The following TNPO2 variants were observed in gnomAD, a reference collection of about 807,000 sequenced individuals.
TNPO2 encodes transportin-2.
TNPO2 carries 16 observed loss-of-function variants against 111.1 expected under a neutral mutation model. The ratio of observed to expected loss-of-function variants is 0.14; its 90% CI spans 0.10 to 0.22. TNPO2 has a LOEUF of 0.22. Ranked by LOEUF, TNPO2 falls within the 10% of genes least tolerant of loss-of-function variation. The pLI is 1.00. For missense variants in TNPO2, 530 were observed against 1,173.7 expected (o/e 0.45, Z 8.01); for synonymous variants, 481 against 475.8 (o/e 1.01, Z -0.14).
chr19:12,706,614 T>A lies in TNPO2; in HGVS notation c.1452A>T (p.Lys484Asn), dbSNP rs1026133577. 1 of 1,613,962 alleles carries A rather than the reference T, an allele frequency of 6.2e-7. No individual in the cohort carries two copies. Among genetic ancestry groups the A allele is most frequent in the Middle Eastern group, 1.6e-4 (1 of 6,062 alleles). The change falls in exon 14 of 26, where the codon AAA becomes AAT. Residue 484 changes from lysine to asparagine, a missense_variant. By Grantham distance (94) the Lys-to-Asn change is moderately conservative. Transcript: ENST00000425528. The surrounding 1 kb of genome is among the most constrained non-coding windows in gnomAD (Gnocchi z 7.0). ...HLKPLMTELL[K>N]RILDGNKRVQ... ...CCCTCTTGTTGCCATCCAGGATGCG[T>A]TTGAGCAGCTCTGTCATCAGGGGCT...
chr19:12,701,799 G>A lies in TNPO2; in HGVS notation c.2464C>T (p.Arg822Cys), dbSNP rs770750661. The stretch of plus-strand genomic sequence containing the variant: ...ACACCGATCATCATGCAGATGCCGC[G>A]GAAGGCTGAGTCCTTCTCCTCGTTG... ...RDNEEKDSAF[R>C]GICMMIGVNP... Residue 822 changes from arginine (R) to cysteine (C), a missense_variant, in exon 23 of 26, where the codon CGC becomes TGC. Around this residue, in one of 4 missense-constraint regions of TNPO2, gnomAD observed 103 missense variants for 156.7 expected, o/e 0.66. Transcript: ENST00000425528. This position sits in a 1 kb window ranked among gnomAD's most constrained non-coding sequence, Gnocchi z 5.0. 18 of 1,613,756 alleles carry A rather than the reference G, an allele frequency of 1.1e-5. No homozygotes were observed. Among genetic ancestry groups the A allele is most frequent in the East Asian group, 2.2e-5 (1 of 44,888 alleles).
chr19:12,700,932 T>C lies in TNPO2; in HGVS notation c.*332A>G, dbSNP rs1228641522. 1 of 189,276 alleles carries C rather than the reference T, an allele frequency of 5.3e-6. No individual in the cohort carries two copies. The highest frequency in any genetic ancestry group is 1.1e-5 in the Non-Finnish European group (1 of 90,544). The allele number at this position is 189,276 out of a possible 1,614,324, so 11.7% of individuals were successfully genotyped here. ...TCCCTCACCTCATCCGAAGCCGGAT[T>C]CGGTCAGCTGTGTAATTCCTCCCTC... On this transcript the variant is annotated 3_prime_UTR_variant, in exon 26 of 26. Transcript: ENST00000425528.
At chr19:12,712,942 C>A (rs1003126273) in intron 10 of TNPO2, among the ~76,000 whole-genome samples, 16 of 152,138 alleles carry the variant, frequency 1.1e-4, no homozygotes, top group African/African-American at 3.9e-4. Context: ...CTGGAGTGCA[C>A]TGGTGCGATC....
At chr19:12,720,627 T>C (rs2026630716) in intron 3 of TNPO2, among the ~76,000 whole-genome samples, 1 of 152,224 alleles carries the variant, frequency 6.6e-6, no homozygotes, top group Non-Finnish European at 1.5e-5. Flanking sequence ...GGCCAGGGCC[T>C]ACTTTAATAG....
chr19:12,701,580 G>A lies in TNPO2; in HGVS notation c.2586+18C>T, dbSNP rs747069268. 1 of 1,613,422 alleles carries A rather than the reference G, an allele frequency of 6.2e-7. No homozygotes were observed. Among genetic ancestry groups the A allele is most frequent in the South Asian group, 1.1e-5 (1 of 91,038 alleles). ...TGCCTGCTCCCGGAACTAGATCAGGGCCCAGACAGAGCCTCACCTTATAAA... is the reference window on the plus strand; with the variant it reads ...TGCCTGCTCCCGGAACTAGATCAGGACCCAGACAGAGCCTCACCTTATAAA... On this transcript the variant is annotated intron_variant, in intron 24 of 25. Transcript: ENST00000425528. The surrounding 1 kb of genome is among the most constrained non-coding windows in gnomAD (Gnocchi z 5.0).
At chr19:12,710,922 C>G in intron 12 of TNPO2, 149 bp from the exon 13 acceptor site, 1 of 941,800 alleles carries the variant, frequency 1.1e-6, no homozygotes, top group Non-Finnish European at 1.5e-6. Context: ...GAGACGGAGT[C>G]TCACTTTTTC....
chr19:12,710,696 G>T lies in TNPO2; in HGVS notation c.1195C>A (p.Leu399Ile). 6.2e-7 allele frequency: 1 copy of T among 1,613,636 alleles called. No individual in the cohort carries two copies. The highest frequency in any genetic ancestry group is 8.5e-7 in the Non-Finnish European group (1 of 1,179,754). The change falls in exon 13 of 26, where the codon CTC becomes ATC. Residue 399 changes from leucine to isoleucine, a missense_variant. This residue lies in a region of TNPO2 where 88 missense variants were observed against 130.2 expected (regional missense o/e 0.68). Coordinates refer to ENST00000425528, the MANE Select transcript of TNPO2 (RefSeq NM_001382241.1). The part of the protein sequence containing the change: ...EELLPHLLPL[L>I]KGLLFHPEWV... ...TCGGGGTGGAAGAGGAGGCCTTTGA[G>T]TAGTGGGAGTAGGTGGGGCAGCAGT...
At position 12,705,235 on chromosome 19, in the gene TNPO2, C is replaced by A. The variant is rs768684962; in HGVS notation, c.2022+5G>T. The A allele has an allele frequency of 6.2e-7, 1 of 1,600,598 alleles. No homozygotes were observed. Among genetic ancestry groups the A allele is most frequent in the African/African-American group, 1.3e-5 (1 of 74,678 alleles). On this transcript the variant is annotated splice_donor_5th_base_variant and intron_variant, in intron 18 of 25. Coordinates refer to ENST00000425528, the MANE Select transcript of TNPO2 (RefSeq NM_001382241.1). The surrounding 1 kb of genome is among the most constrained non-coding windows in gnomAD (Gnocchi z 7.2). ...GTGTCATCACTGTCCAGGGTCCCCA[C>A]CCACCTGCATGCACTGGAACAGCAA... is the stretch of plus-strand genomic sequence containing the variant.
rs747294643 is a variant in TNPO2 at position 12,719,344 on chromosome 19, G to A, written c.100-8C>T. ...ATTGAGTTGTTTGAGTTTCTGCCAG[G>A]CTGTTAAGGGACTTGGAAGACAGAG... On this transcript the variant is annotated splice_region_variant and splice_polypyrimidine_tract_variant and intron_variant, in intron 3 of 25. Coordinates refer to ENST00000425528, the MANE Select transcript of TNPO2 (RefSeq NM_001382241.1). This position sits in a 1 kb window ranked among gnomAD's most constrained non-coding sequence, Gnocchi z 5.0. The A allele has an allele frequency of 6.2e-7, 1 of 1,613,492 alleles. No individual in the cohort carries two copies. The highest frequency in any genetic ancestry group is 8.5e-7 in the Non-Finnish European group (1 of 1,179,564).
chr19:12,705,887 G>C lies in TNPO2; in HGVS notation c.1669-119C>G. The C allele has an allele frequency of 2.5e-6, 2 of 789,484 alleles. No individual in the cohort carries two copies. The highest frequency in any genetic ancestry group is 3.9e-6 in the Non-Finnish European group (2 of 508,888). 48.9% of individuals were successfully genotyped at this position (789,484 alleles called of 1,614,324 possible). On this transcript the variant is annotated intron_variant, in intron 15 of 25. Transcript: ENST00000425528. The surrounding 1 kb of genome is among the most constrained non-coding windows in gnomAD (Gnocchi z 7.2). ...CACCGTGGCTCATGGGACCCTGAAA[G>C]GCCTGCCATCTGGCCAGACCTCGAG...
Position 12,705,323 on chromosome 19 carries a change from C to T in TNPO2, c.1939G>A (p.Gly647Ser). 1.3e-6 allele frequency: 2 copies of T among 1,594,484 alleles called. No homozygotes were observed. Among genetic ancestry groups the T allele is most frequent in the Non-Finnish European group, 1.7e-6 (2 of 1,170,722 alleles). The change falls in exon 18 of 26, where the codon GGC (glycine) becomes AGC (serine). Residue 647 changes from glycine to serine, a missense_variant. By Grantham distance (56) the Gly-to-Ser change is moderately conservative. This residue lies in a region of TNPO2 where 183 missense variants were observed against 481.0 expected (regional missense o/e 0.38). Coordinates refer to ENST00000425528, the MANE Select transcript of TNPO2 (RefSeq NM_001382241.1). The surrounding 1 kb of genome is among the most constrained non-coding windows in gnomAD (Gnocchi z 7.2). ...TGACCACCCAGGCCCTCGGCCAGGC[C>T]GCTGAGCAGATCCAGTGCTACGATC... is the stretch of plus-strand genomic sequence containing the variant. Reference protein sequence around the residue: ...FMIVALDLLSGLAEGLGGHVE... With the variant: ...FMIVALDLLSSLAEGLGGHVE...
In TNPO2 at chr19:12,706,464, C is replaced by G; in HGVS notation, c.1497-97G>C. The stretch of plus-strand genomic sequence containing the variant: ...GAGGGCAACTCAGGATCAGCCAGTA[C>G]GAATACGCGATAAATCAGTTCCACA... On this transcript the variant is annotated intron_variant, in intron 14 of 25. Coordinates refer to ENST00000425528, the MANE Select transcript of TNPO2 (RefSeq NM_001382241.1). This position sits in a 1 kb window ranked among gnomAD's most constrained non-coding sequence, Gnocchi z 7.0. 6.4e-7 allele frequency: 1 copy of G among 1,573,250 alleles called. No homozygotes were observed. The highest frequency in any genetic ancestry group is 8.7e-7 in the Non-Finnish European group (1 of 1,143,980).
At chr19:12,710,798 G>T in intron 12 of TNPO2, 25 bp from the exon 13 acceptor site, 2 of 1,587,750 alleles carry the variant, frequency 1.3e-6, no homozygotes, top group Non-Finnish European at 8.6e-7. Flanking sequence ...ACAATGGGGA[G>T]GCTCAGGGCG....
At chr19:12,710,326 A>C (rs985209026) in intron 13 of TNPO2, among the ~76,000 whole-genome samples, 7 of 152,214 alleles carry the variant, frequency 4.6e-5, no homozygotes, top group South Asian at 4.1e-4. Context: ...GTTTGTCTAC[A>C]TAAGTGCACG....
rs777956805 is a variant in TNPO2 at position 12,701,896 on chromosome 19, T to C, written c.2412-45A>G. Reference sequence around the variant, plus strand: ...TGGAGGTCAGAGGGCAGGCTGGGCATGCATCTGTGGAGGGCTGGGTCACTG... The same window carrying C: ...TGGAGGTCAGAGGGCAGGCTGGGCACGCATCTGTGGAGGGCTGGGTCACTG... On this transcript the variant is annotated intron_variant, in intron 22 of 25. Transcript: ENST00000425528. This position sits in a 1 kb window ranked among gnomAD's most constrained non-coding sequence, Gnocchi z 5.0. 1 of 1,557,382 alleles carries C rather than the reference T, an allele frequency of 6.4e-7. No homozygotes were observed. The highest frequency in any genetic ancestry group is 8.8e-7 in the Non-Finnish European group (1 of 1,131,194).
At chr19:12,720,826 G>T in intron 3 of TNPO2, 53 bp downstream of exon 3, 1 of 1,536,164 alleles carries the variant, frequency 6.5e-7, no homozygotes. Context: ...CTGGCCTTTG[G>T]AAACTGCACG....
intron 5 of TNPO2, among the ~76,000 whole-genome samples, chr19:12,717,639 C>T (rs1416461546): frequency 6.6e-6 from 1 of 152,094 alleles, no homozygotes; most frequent in Non-Finnish European, 1.5e-5. Context: ...AAGTCCACAT[C>T]CTACTACTGG....
At position 12,715,493 on chromosome 19, in the gene TNPO2, G is replaced by A; in HGVS notation, c.478C>T (p.Leu160Phe). 1 of 1,613,950 alleles carries A rather than the reference G, an allele frequency of 6.2e-7. No individual in the cohort carries two copies. The highest frequency in any genetic ancestry group is 8.5e-7 in the Non-Finnish European group (1 of 1,179,870). ...LQKICEDSSE[L>F]LDSDALNRPL... is the part of the protein sequence containing the mutation. ...CTGTTGAGGGCGTCACTGTCCAGAA[G>A]CTCTGATGAGTCTTCACAGATCTTC... The change falls in exon 7 of 26, where the codon CTT becomes TTT. Residue 160 changes from leucine (L) to phenylalanine (F), a missense_variant. Physicochemically the swap from Leu to Phe is conservative, Grantham distance 22 (BLOSUM62 0). This residue lies in a region of TNPO2 where 156 missense variants were observed against 405.8 expected (regional missense o/e 0.38). Transcript: ENST00000425528. The surrounding 1 kb of genome is among the most constrained non-coding windows in gnomAD (Gnocchi z 7.1).
In TNPO2 at chr19:12,715,246, G is replaced by A. The variant is rs762506991; in HGVS notation, c.645C>T (p.Ile215=). 6.2e-6 allele frequency: 10 copies of A among 1,613,588 alleles called. No homozygotes were observed. The highest frequency in any genetic ancestry group is 2.2e-5 in the East Asian group (1 of 44,868). Residue 215 remains isoleucine, a synonymous_variant, in exon 8 of 26, where the codon ATC becomes ATT. Transcript: ENST00000425528. This position sits in a 1 kb window ranked among gnomAD's most constrained non-coding sequence, Gnocchi z 7.1. Reference sequence around the variant, plus strand: ...CACCCCCAGCCCAGCGGCCCACCTCGATGAAGGTGTCAATATTGTCCATCA... The same window carrying A: ...CACCCCCAGCCCAGCGGCCCACCTCAATGAAGGTGTCAATATTGTCCATCA... The part of the protein sequence containing the change: ...QALMDNIDTF[I]EHLFALAVDD...
Sources: gnomAD v4.1 joint callset for allele counts (sites outside exome capture counted in the v4.1 genomes callset) on GRCh38, gnomAD v4.1.1 for gene constraint, gnomAD v4.1.1 regional missense constraint, Gnocchi (gnomAD v3.1) non-coding constraint, MANE v1.5 for transcripts, NCBI Gene and HGNC (gene_info 2026-07-23, HGNC 2026-07-21) for gene names.